TMEM132C: variants seen among roughly 807,000 people sequenced by gnomAD.
The protein encoded by TMEM132C is transmembrane protein 132C.
In TMEM132C, 29 loss-of-function variants were observed where a neutral mutation model predicts 61.4. The ratio of observed to expected loss-of-function variants is 0.47; its 90% confidence interval spans 0.35 to 0.64. TMEM132C has a LOEUF of 0.64. TMEM132C is among the 30% of genes least tolerant of loss of function. TMEM132C has a pLI of 0.00. For synonymous variants in TMEM132C, 656 were observed against 633.1 expected (o/e 1.04, Z -0.54); for missense variants, 1,408 against 1,476.9 (o/e 0.95, Z 0.76).
At chr12:128,665,289 G>A (rs1349846359) in intron 4 of TMEM132C, among the ~76,000 whole-genome samples, 1 of 120,910 alleles carries the variant, frequency 8.3e-6, no homozygotes, top group Non-Finnish European at 1.6e-5. Flanking sequence ...GCACACACAG[G>A]CACTCACACA....
intron 3 of TMEM132C, among the ~76,000 whole-genome samples, chr12:128,600,274 A>G (rs983848915): frequency 1.3e-5 from 2 of 151,862 alleles, no homozygotes; most frequent in Non-Finnish European, 2.9e-5. Context: ...GAGCCACCGC[A>G]CCGGGCCAAG....
rs112848256 is a variant in TMEM132C, at chr12:128,535,623, C to T, written c.975-8334C>T. 2.2e-3 allele frequency among the ~76,000 whole-genome samples: 328 copies of T among 152,274 alleles called. 3 individuals are homozygous for T. Among genetic ancestry groups the T allele is most frequent in the African/African-American group, 7.6e-3 (317 of 41,560 alleles). ...GTGGCTCACGCCTGTAATCCCAGCC[C>T]TTTGGGAAGCCGAAGCAGGCAGACC... On this transcript the variant is annotated intron_variant, in intron 2 of 8. Transcript: ENST00000435159.
intron 2 of TMEM132C, among the ~76,000 whole-genome samples, chr12:128,454,889 CAG>C (rs1385543874): frequency 1.3e-5 from 2 of 152,210 alleles, no homozygotes; most frequent in African/African-American, 4.8e-5. Context: ...CAGGAGCCTG[CAG>C]TCTCTCTGAA....
intron 2 of TMEM132C, among the ~76,000 whole-genome samples, chr12:128,485,876 T>A (rs1230558775): frequency 6.6e-6 from 1 of 152,132 alleles, no homozygotes; most frequent in African/African-American, 2.4e-5. Flanking sequence ...CCCTTCTTCC[T>A]CCTCCTCCTC....
Position 128,570,903 on chromosome 12 carries a change from A to G in TMEM132C, c.1121+26800A>G, listed in dbSNP as rs991780204. On this transcript the variant is annotated intron_variant, in intron 3 of 8. Transcript: ENST00000435159. This position sits in a 1 kb window ranked among gnomAD's most constrained non-coding sequence, Gnocchi z 4.7. ...ACCCGTAGAGCCACTCCTAGCAATA[A>G]GGAAGTCTGGGGAAGTTACTATTTT... Among the ~76,000 whole-genome samples the G allele has an allele frequency of 1.3e-5, 2 of 152,210 alleles. No individual in the cohort carries two copies. The highest frequency in any genetic ancestry group is 2.9e-5 in the Non-Finnish European group (2 of 68,026).
intron 1 of TMEM132C, among the ~76,000 whole-genome samples, chr12:128,317,172 C>G (rs1273785974): frequency 6.6e-6 from 1 of 152,166 alleles, no homozygotes; most frequent in Non-Finnish European, 1.5e-5. Context: ...TGACCTGCAC[C>G]AAATGCAGTT....
intron 2 of TMEM132C, among the ~76,000 whole-genome samples, chr12:128,505,855 G>A (rs1472865611): frequency 6.6e-6 from 1 of 152,150 alleles, no homozygotes; most frequent in East Asian, 1.9e-4. Flanking sequence ...GCTCTGAGGA[G>A]GGAGGTCAGA....
chr12:128,516,840 G>A (rs145422828), intron 2 of TMEM132C, among the ~76,000 whole-genome samples: 1,825 of 152,022 alleles, frequency 0.012, 18 homozygotes, highest in Non-Finnish European at 0.019. Context: ...CTTGAACTCC[G>A]GGGTTCAAGG....
At position 128,363,081 on chromosome 12, in the gene TMEM132C, T is replaced by C. The variant is rs536477094; in HGVS notation, c.86-51651T>C. Among the ~76,000 whole-genome samples the C allele has an allele frequency of 2.4e-3, 361 of 152,294 alleles. 1 individual carries two copies. Among genetic ancestry groups the C allele is most frequent in the African/African-American group, 8.4e-3 (348 of 41,560 alleles). ...CTTCTTTACGATTGAGCTACAAAAG[T>C]CAACTATAAATAGATTGATTTACTG... is the stretch of plus-strand genomic sequence containing the variant. On this transcript the variant is annotated intron_variant, in intron 1 of 8. Transcript: ENST00000435159.
At chr12:128,371,227 T>C (rs1874019208) in intron 1 of TMEM132C, among the ~76,000 whole-genome samples, 1 of 152,206 alleles carries the variant, frequency 6.6e-6, no homozygotes, top group African/African-American at 2.4e-5. Context: ...ACTTAAAATC[T>C]ATTTTCCCTT....
At chr12:128,592,557 A>T (rs1171819381) in intron 3 of TMEM132C, among the ~76,000 whole-genome samples, 1 of 152,248 alleles carries the variant, frequency 6.6e-6, no homozygotes, top group Non-Finnish European at 1.5e-5. Flanking sequence ...TTTCCACTCC[A>T]GATAAAGAAC....
intron 1 of TMEM132C, among the ~76,000 whole-genome samples, chr12:128,313,028 G>A (rs892429255): frequency 2.0e-5 from 3 of 152,222 alleles, no homozygotes; most frequent in Non-Finnish European, 4.4e-5. Flanking sequence ...AGGAAGAGGA[G>A]CTTAGTGCAC....
At chr12:128,400,024 A>G (rs1038067620) in intron 1 of TMEM132C, 3 of 152,270 alleles carry the variant, frequency 2.0e-5, no homozygotes, top group African/African-American at 7.2e-5. Context: ...GGAAAATAGT[A>G]TGCTGACTCC....
In TMEM132C at chr12:128,416,091, G is replaced by C. The variant is rs1868773041; in HGVS notation, c.974+471G>C. Among the ~76,000 whole-genome samples the C allele has an allele frequency of 1.3e-5, 2 of 152,174 alleles. 1 individual carries two copies. The highest frequency in any genetic ancestry group is 1.3e-4 in the Admixed American group (2 of 15,278). Reference sequence around the variant, plus strand: ...TTTTTTTTAATTAGGTGGTGTTAAAGATTGCCAGTTAGTGTCTGGGAGGCC... The same window carrying C: ...TTTTTTTTAATTAGGTGGTGTTAAACATTGCCAGTTAGTGTCTGGGAGGCC... On this transcript the variant is annotated intron_variant, in intron 2 of 8. Coordinates refer to ENST00000435159, the MANE Select transcript of TMEM132C (RefSeq NM_001136103.3).
chr12:128,686,417 C>T (rs187482810), intron 5 of TMEM132C, among the ~76,000 whole-genome samples: 4 of 152,278 alleles, frequency 2.6e-5, no homozygotes, highest in East Asian at 1.9e-4. Context: ...TAGCAAGACC[C>T]CATCTCTTAA....
chr12:128,614,098 C>T (rs12581991), intron 3 of TMEM132C, among the ~76,000 whole-genome samples: 2 of 152,152 alleles, frequency 1.3e-5, no homozygotes, highest in Non-Finnish European at 2.9e-5. Flanking sequence ...CCTGGCCCCC[C>T]TACAAACTCA....
intron 4 of TMEM132C, among the ~76,000 whole-genome samples, chr12:128,663,912 G>T: frequency 7.2e-6 from 1 of 138,516 alleles, no homozygotes; most frequent in African/African-American, 2.8e-5. Context: ...ACGCACACAG[G>T]CACACACACC....
intron 2 of TMEM132C, among the ~76,000 whole-genome samples, chr12:128,457,095 A>C (rs1236821760): frequency 6.6e-6 from 1 of 152,122 alleles, no homozygotes; most frequent in Admixed American, 6.6e-5. Flanking sequence ...AGCTGCTATG[A>C]ATATTTATAT....
Position 128,705,369 on chromosome 12 carries a change from C to A in TMEM132C, c.2401C>A (p.Gln801Lys). ...GVGNVRVKFG[Q>K]NDADSSPGGD... is the part of the protein sequence containing the mutation. ...CGGCAACGTCAGGGTCAAGTTCGGACAGAACGATGCTGACTCCAGCCCCGG... is the reference window on the plus strand; with the variant it reads ...CGGCAACGTCAGGGTCAAGTTCGGAAAGAACGATGCTGACTCCAGCCCCGG... Residue 801 changes from glutamine (Q) to lysine (K), a missense_variant, in exon 9 of 9, where the codon CAG becomes AAG. By Grantham distance (53) the Gln-to-Lys change is moderately conservative. Transcript: ENST00000435159. The A allele has an allele frequency of 3.2e-6, 5 of 1,551,408 alleles. No individual in the cohort carries two copies. The highest frequency in any genetic ancestry group is 4.4e-6 in the Non-Finnish European group (5 of 1,146,996).
Sources: allele counts gnomAD v4.1 joint callset (sites outside exome capture counted in the v4.1 genomes callset), GRCh38; gene constraint gnomAD v4.1.1; non-coding constraint Gnocchi (gnomAD v3.1); transcripts MANE v1.5; gene names NCBI Gene and HGNC (gene_info 2026-07-23, HGNC 2026-07-21).